The following NCAM1 variants were observed in gnomAD, a reference collection of about 807,000 sequenced individuals.
The protein encoded by NCAM1 is antigen recognized by monoclonal antibody 5.1H11.
In NCAM1, 14 loss-of-function variants were observed where a neutral mutation model predicts 109.8. The observed-to-expected ratio is 0.13, with a 90% confidence interval of 0.08 to 0.20. NCAM1 has a LOEUF of 0.20. Among genes scored for constraint, NCAM1 ranks in the 10% least tolerant of loss-of-function variants. The probability of loss-of-function intolerance (pLI) is 1.00; values close to 1 mark genes in which losing one functional copy is unlikely to be tolerated. For missense variants in NCAM1, 774 were observed against 1,109.9 expected (o/e 0.70, Z 4.30); for synonymous variants, 418 against 442.9 (o/e 0.94, Z 0.70).
chr11:113,135,664 C>T (rs561212391), intron 1 of NCAM1, among the ~76,000 whole-genome samples: 7 of 152,284 alleles, frequency 4.6e-5, no homozygotes, highest in Admixed American at 1.3e-4. Context: ...CCTCTGTGTT[C>T]TGCGTGGGAA....
chr11:113,044,135 A>G (rs1182461235), intron 1 of NCAM1, among the ~76,000 whole-genome samples: 1 of 152,034 alleles, frequency 6.6e-6, no homozygotes, highest in Non-Finnish European at 1.5e-5. Context: ...GGCAAGGAGG[A>G]TACTCTGCCT....
chr11:112,983,759 A>G (rs1951216759), intron 1 of NCAM1, among the ~76,000 whole-genome samples: 1 of 151,972 alleles, frequency 6.6e-6, no homozygotes, highest in South Asian at 2.1e-4. Flanking sequence ...TTCCTTATTT[A>G]TTTACTTTTT....
At chr11:113,046,601 A>G (rs1953275060) in intron 1 of NCAM1, among the ~76,000 whole-genome samples, 2 of 152,238 alleles carry the variant, frequency 1.3e-5, no homozygotes, top group Non-Finnish European at 2.9e-5. Context: ...TGTTAGCAAC[A>G]TTGCAGATGA....
At chr11:113,188,984 C>CT (rs1555109349) in intron 1 of NCAM1, among the ~76,000 whole-genome samples, 1 of 152,138 alleles carries the variant, frequency 6.6e-6, no homozygotes, top group Non-Finnish European at 1.5e-5. Flanking sequence ...ATTTGTTCTC[C>CT]TGAAGATGGA....
intron 5 of NCAM1, 93 bp from the exon 6 acceptor site, chr11:113,207,168 G>A: frequency 1.1e-6 from 1 of 944,682 alleles, no homozygotes. Flanking sequence ...CCCACAGGCT[G>A]AGAACTCCTG....
In NCAM1 at chr11:113,275,274, C is replaced by A; in HGVS notation, c.2464C>A (p.Pro822Thr). The A allele has an allele frequency of 1.2e-6, 2 of 1,613,622 alleles. No individual in the cohort carries two copies. The highest frequency in any genetic ancestry group is 2.2e-5 in the East Asian group (1 of 44,864). ...TTPLTEPEKG[P>T]VEAKPECQET... ...TTTCCTGATTCTCTGCAGGAAGGGC[C>A]CCGTAGAAGCAAAGCCAGAGTGCCA... The change falls in exon 20 of 20, where the codon CCC (proline) becomes ACC (threonine). Residue 822 changes from proline to threonine, a missense_variant. Coordinates refer to ENST00000316851, the MANE Select transcript of NCAM1 (RefSeq NM_181351.5).
chr11:112,980,644 C>A (rs78874596), intron 1 of NCAM1, among the ~76,000 whole-genome samples: 111 of 151,690 alleles, frequency 7.3e-4, no homozygotes, highest in African/African-American at 2.3e-3. Flanking sequence ...TTTGAGGGTA[C>A]AGGTGGTTTT....
intron 1 of NCAM1, among the ~76,000 whole-genome samples, chr11:112,987,589 T>C (rs1591217690): frequency 6.6e-6 from 1 of 152,278 alleles, no homozygotes; most frequent in Non-Finnish European, 1.5e-5. Flanking sequence ...TGCATATATA[T>C]TTACAGTTGT....
At chr11:113,000,061 G>A (rs1427602858) in intron 1 of NCAM1, among the ~76,000 whole-genome samples, 1 of 152,170 alleles carries the variant, frequency 6.6e-6, no homozygotes, top group Non-Finnish European at 1.5e-5. Flanking sequence ...GCATCCTGGA[G>A]GTAGACCTGG....
chr11:113,127,219 T>C (rs1941214578), intron 1 of NCAM1, among the ~76,000 whole-genome samples: 1 of 152,130 alleles, frequency 6.6e-6, no homozygotes, highest in Non-Finnish European at 1.5e-5. Flanking sequence ...AGGAGTGGGG[T>C]TTAGAAAGCA....
At chr11:112,982,313 A>C (rs1481632254) in intron 1 of NCAM1, among the ~76,000 whole-genome samples, 1 of 151,944 alleles carries the variant, frequency 6.6e-6, no homozygotes, top group Non-Finnish European at 1.5e-5. Flanking sequence ...ATCTGAATTC[A>C]TTTGTAAAAA....
intron 1 of NCAM1, among the ~76,000 whole-genome samples, chr11:113,081,504 G>T (rs563082625): frequency 6.6e-6 from 1 of 152,254 alleles, no homozygotes; most frequent in African/African-American, 2.4e-5. Context: ...CTGCAGATCT[G>T]CCGCATGCCA....
intron 17 of NCAM1, among the ~76,000 whole-genome samples, chr11:113,267,841 A>G (rs1370135643): frequency 6.6e-6 from 1 of 152,208 alleles, no homozygotes; most frequent in Non-Finnish European, 1.5e-5. Context: ...TGTCCTCTCA[A>G]GCACATAGAG....
Position 113,112,387 on chromosome 11 carries a change from A to C in NCAM1, c.53-89992A>C, listed in dbSNP as rs189464800. ...CTAAAAGTAGATGGCAGAAAATAAA[A>C]TTGATTGTTTTCCTCATAAATTTGA... On this transcript the variant is annotated intron_variant, in intron 1 of 19. Transcript: ENST00000316851. Among the ~76,000 whole-genome samples the C allele has an allele frequency of 2.0e-5, 3 of 152,330 alleles. No individual in the cohort carries two copies. The East Asian group carries it at 5.8e-4, about 29-fold the overall frequency.
At chr11:113,170,704 T>A (rs1555106058) in intron 1 of NCAM1, among the ~76,000 whole-genome samples, 1 of 152,148 alleles carries the variant, frequency 6.6e-6, no homozygotes, top group African/African-American at 2.4e-5. Context: ...CCTGGCCTAG[T>A]TGGTTATTAA....
chr11:113,089,428 T>G (rs1555088961), intron 1 of NCAM1, among the ~76,000 whole-genome samples: 1 of 152,118 alleles, frequency 6.6e-6, no homozygotes, highest in Non-Finnish European at 1.5e-5. Flanking sequence ...TTACGTTTAC[T>G]AAATTGAACA....
intron 1 of NCAM1, among the ~76,000 whole-genome samples, chr11:113,183,831 C>T (rs1427089472): frequency 7.3e-6 from 1 of 137,216 alleles, no homozygotes; most frequent in African/African-American, 3.1e-5. Flanking sequence ...GGAGAGTGAG[C>T]TGGGGTATGA....
intron 1 of NCAM1, among the ~76,000 whole-genome samples, chr11:113,161,699 G>A (rs1555104432): frequency 6.6e-6 from 1 of 152,200 alleles, no homozygotes; most frequent in African/African-American, 2.4e-5. Flanking sequence ...GCATGAGGAT[G>A]TAGTAAAAGA....
In NCAM1 at chr11:113,274,317, C is replaced by T. The variant is rs1345301810; in HGVS notation, c.2457-950C>T. 6.6e-6 allele frequency among the ~76,000 whole-genome samples: 1 copy of T among 152,160 alleles called. No homozygotes were observed. The highest frequency in any genetic ancestry group is 1.9e-4 in the East Asian group (1 of 5,178). On this transcript the variant is annotated intron_variant, in intron 19 of 19. Transcript: ENST00000316851. The surrounding 1 kb of genome is among the most constrained non-coding windows in gnomAD (Gnocchi z 4.1). ...AGTGGCTGGGAAGACTCGGGGCTCC[C>T]CAGCATCAAATGGCTGCTGGGTCTC...
Sources: gnomAD v4.1 joint callset for allele counts (sites outside exome capture counted in the v4.1 genomes callset) on GRCh38, gnomAD v4.1.1 for gene constraint, Gnocchi (gnomAD v3.1) non-coding constraint, MANE v1.5 for transcripts, NCBI Gene and HGNC (gene_info 2026-07-23, HGNC 2026-07-21) for gene names.